EDEM3: variants seen among roughly 807,000 people sequenced by gnomAD.
EDEM3 encodes ER degradation enhancing alpha-mannosidase like protein 3, also known as ER degradation-enhancing alpha-mannosidase-like protein 3.
Under a neutral mutation model 110.2 loss-of-function variants are expected in EDEM3, and 60 were observed. The observed-to-expected ratio is 0.54, with a 90% CI of 0.44 to 0.67. The LOEUF is 0.67. EDEM3 is among the 30% of genes least tolerant of loss of function. The pLI is 0.00. For synonymous variants in EDEM3, 352 were observed against 382.9 expected (o/e 0.92, Z 0.94); for missense variants, 996 against 1,121.0 (o/e 0.89, Z 1.59).
At position 184,732,998 on chromosome 1, in the gene EDEM3, C is replaced by T; in HGVS notation, c.459-8G>A. 3 of 1,611,822 alleles carry T rather than the reference C, an allele frequency of 1.9e-6. No homozygotes were observed. The highest frequency in any genetic ancestry group is 2.5e-6 in the Non-Finnish European group (3 of 1,178,864). On this transcript the variant is annotated splice_region_variant and splice_polypyrimidine_tract_variant and intron_variant, in intron 5 of 19. Transcript: ENST00000318130. ...TGCCCACCCAAAAGACCCCTAGGAT[C>T]ACAGAGATGAAACATTATCCATATC... is the stretch of plus-strand genomic sequence containing the variant.
chr1:184,723,924 A>G (rs1651049237), intron 7 of EDEM3, 68 bp from the exon 8 acceptor site: 1 of 1,206,684 alleles, frequency 8.3e-7, no homozygotes, highest in Non-Finnish European at 1.1e-6. Context: ...TTTGGCAAAT[A>G]GGAAACTAAC....
At chr1:184,696,510 C>T (rs1228503046) in intron 19 of EDEM3, among the ~76,000 whole-genome samples, 1 of 151,832 alleles carries the variant, frequency 6.6e-6, no homozygotes, top group African/African-American at 2.4e-5. Flanking sequence ...TCTGCCCCTA[C>T]AATGCATATA....
At position 184,734,383 on chromosome 1, in the gene EDEM3, C is replaced by T. The variant is rs146998393; in HGVS notation, c.458+148G>A. ...ACTCAGGAGGCTTAGATAGGAGAATCGCTTGAACCCGGGAGGCGGAGGCTG... is the reference window on the plus strand; with the variant it reads ...ACTCAGGAGGCTTAGATAGGAGAATTGCTTGAACCCGGGAGGCGGAGGCTG... On this transcript the variant is annotated intron_variant, in intron 5 of 19. Transcript: ENST00000318130. The T allele has an allele frequency of 4.4e-3, 1,034 of 235,852 alleles. 11 individuals carry two copies. The highest frequency in any genetic ancestry group is 0.025 in the Middle Eastern group (14 of 570). The allele number at this position is 235,852 out of a possible 1,614,324, so 14.6% of individuals were successfully genotyped here. A position where few individuals can be genotyped will look rare whatever the true frequency, so the allele number is the denominator to read the frequency against.
rs556969983 is a variant in EDEM3, at chr1:184,753,286, T to A, written c.158+1203A>T. ...TGCATTTTTTTTTGTTTTGGAAATA[T>A]ATTCTGGATAGGCTTCCAGTGACGT... On this transcript the variant is annotated intron_variant, in intron 1 of 19. Transcript: ENST00000318130. Among the ~76,000 whole-genome samples, 9 of 152,198 alleles carry A rather than the reference T, an allele frequency of 5.9e-5. No individual in the cohort carries two copies. The South Asian group carries it at 1.2e-3, about 21-fold the overall frequency.
intron 13 of EDEM3, 103 bp downstream of exon 13, chr1:184,716,785 T>A: frequency 1.4e-6 from 2 of 1,448,340 alleles, no homozygotes; most frequent in Non-Finnish European, 1.9e-6. Context: ...AAGGTTTCTA[T>A]CCTTTGTAAA....
chr1:184,723,868 A>T lies in EDEM3; in HGVS notation c.748-12T>A. The T allele has an allele frequency of 1.5e-6, 2 of 1,378,738 alleles. No individual in the cohort carries two copies. The highest frequency in any genetic ancestry group is 1.9e-6 in the Non-Finnish European group (2 of 1,041,620). 85.4% of individuals were successfully genotyped at this position (1,378,738 alleles called of 1,614,324 possible). A position where few individuals can be genotyped will look rare whatever the true frequency, so the allele number is the denominator to read the frequency against. ...TTTCTGGCATATTCCTGTAATTTAA[A>T]AAAAAAAAAAAAAAAAAGAAGTGCA... On this transcript the variant is annotated splice_polypyrimidine_tract_variant and intron_variant, in intron 7 of 19. Coordinates refer to ENST00000318130, the MANE Select transcript of EDEM3 (RefSeq NM_025191.4).
intron 17 of EDEM3, among the ~76,000 whole-genome samples, chr1:184,707,504 G>C (rs753995329): frequency 6.6e-6 from 1 of 152,118 alleles, no homozygotes; most frequent in Non-Finnish European, 1.5e-5. Flanking sequence ...AATCTATATA[G>C]CTTCTACATA....
At chr1:184,717,374 G>A (rs1033943506) in intron 12 of EDEM3, among the ~76,000 whole-genome samples, 166 bp downstream of exon 12, 6 of 152,004 alleles carry the variant, frequency 3.9e-5, no homozygotes, top group South Asian at 2.1e-4. Context: ...GTCAATTCTT[G>A]CATCATTCAA....
At position 184,734,652 on chromosome 1, in the gene EDEM3, A is replaced by G. The variant is rs754069377; in HGVS notation, c.346-9T>C. ...TTAGTTTTATTTAAAACCTGGGAGA[A>G]GAAAATTATGAAATAAAGTTCTTTT... On this transcript the variant is annotated splice_polypyrimidine_tract_variant and intron_variant, in intron 4 of 19. Coordinates refer to ENST00000318130, the MANE Select transcript of EDEM3 (RefSeq NM_025191.4). 5 of 1,188,914 alleles carry G rather than the reference A, an allele frequency of 4.2e-6. No homozygotes were observed. The highest frequency in any genetic ancestry group is 4.8e-6 in the Non-Finnish European group (4 of 840,510). The allele number at this position is 1,188,914 out of a possible 1,614,324, so 73.6% of individuals were successfully genotyped here. A position where few individuals can be genotyped will look rare whatever the true frequency, so the allele number is the denominator to read the frequency against.
intron 2 of EDEM3, among the ~76,000 whole-genome samples, chr1:184,740,922 A>T (rs190844146): frequency 1.3e-5 from 2 of 152,210 alleles, no homozygotes; most frequent in Non-Finnish European, 2.9e-5. Context: ...AAATCCTCAG[A>T]TATTTCATGA....
chr1:184,701,493 TTAC>T (rs1348458080), intron 19 of EDEM3: 10 of 1,276,786 alleles, frequency 7.8e-6, no homozygotes, highest in African/African-American at 3.1e-5. Context: ...TGCAAGATAC[TTAC>T]TACTATTAAT....
intron 16 of EDEM3, among the ~76,000 whole-genome samples, chr1:184,709,897 T>C (rs1650133000): frequency 6.6e-6 from 1 of 152,146 alleles, no homozygotes; most frequent in Non-Finnish European, 1.5e-5. Flanking sequence ...CTTTGTGTTA[T>C]AAAAACTTTC....
chr1:184,723,953 G>T, intron 7 of EDEM3, 97 bp from the exon 8 acceptor site: 1 of 838,318 alleles, frequency 1.2e-6, no homozygotes, highest in Non-Finnish European at 1.8e-6. Context: ...CTCAAAGGCC[G>T]ATAGGATATT....
Position 184,702,802 on chromosome 1 carries a change from T to C in EDEM3, c.2389+9A>G. On this transcript the variant is annotated intron_variant, in intron 19 of 19. Transcript: ENST00000318130. The stretch of plus-strand genomic sequence containing the variant: ...CTGCATAAAAAAACAAATGGTATTT[T>C]ACTCTTACCTCGATCTTTTGCTTTA... 1 of 1,558,156 alleles carries C rather than the reference T, an allele frequency of 6.4e-7. No homozygotes were observed. Among genetic ancestry groups the C allele is most frequent in the Non-Finnish European group, 8.7e-7 (1 of 1,154,894 alleles).
At chr1:184,729,172 A>G (rs1651359235) in intron 6 of EDEM3, among the ~76,000 whole-genome samples, 1 of 152,104 alleles carries the variant, frequency 6.6e-6, no homozygotes, top group African/African-American at 2.4e-5. Context: ...GAGGTTTAAG[A>G]AAAAAAGAGA....
At position 184,696,494 on chromosome 1, in the gene EDEM3, C is replaced by T. The variant is rs147648556; in HGVS notation, c.2390-2022G>A. 3.4e-4 allele frequency among the ~76,000 whole-genome samples: 51 copies of T among 151,842 alleles called. 1 individual carries two copies. The East Asian group carries it at 9.7e-3, about 29-fold the overall frequency. The stretch of plus-strand genomic sequence containing the variant: ...CTTTATGATGGGGAGGAAAGGATCA[C>T]CCCTTTCTGCCCCTACAATGCATAT... On this transcript the variant is annotated intron_variant, in intron 19 of 19. Coordinates refer to ENST00000318130, the MANE Select transcript of EDEM3 (RefSeq NM_025191.4).
chr1:184,723,639 G>T, intron 8 of EDEM3, 112 bp downstream of exon 8: 1 of 880,074 alleles, frequency 1.1e-6, no homozygotes, highest in Non-Finnish European at 1.7e-6. Flanking sequence ...GCAATCTTGT[G>T]AGAACCTATG....
chr1:184,726,437 C>T (rs10752941), intron 6 of EDEM3, 48 bp from the exon 7 acceptor site: 793,140 of 1,562,094 alleles, frequency 0.51, 206,782 homozygotes, highest in African/African-American at 0.8. Context: ...AGACAATGAC[C>T]TTCTGATAAG....
rs1007875435 is a variant in EDEM3 at position 184,736,878 on chromosome 1, C to T, written c.345+147G>A. The T allele has an allele frequency of 1.6e-5, 10 of 615,424 alleles. No homozygotes were observed. In the Admixed American group the frequency reaches 2.3e-4, roughly 14 times the overall value. 38.1% of individuals were successfully genotyped at this position (615,424 alleles called of 1,614,324 possible). On this transcript the variant is annotated intron_variant, in intron 4 of 19. Coordinates refer to ENST00000318130, the MANE Select transcript of EDEM3 (RefSeq NM_025191.4). ...ATTCCATTTGACATCATCAACTCAACAGTGTAAAAGATTTATTTAGAAGCA... is the reference window on the plus strand; with the variant it reads ...ATTCCATTTGACATCATCAACTCAATAGTGTAAAAGATTTATTTAGAAGCA...
Sources: allele counts gnomAD v4.1 joint callset (sites outside exome capture counted in the v4.1 genomes callset), GRCh38; gene constraint gnomAD v4.1.1; transcripts MANE v1.5; gene names NCBI Gene and HGNC (gene_info 2026-07-23, HGNC 2026-07-21).